YIF1A: variants seen among roughly 807,000 people sequenced by gnomAD.
YIF1A encodes Yip1 interacting factor homolog A, membrane trafficking protein, also known as protein YIF1A.
Under a neutral mutation model 32.6 loss-of-function variants are expected in YIF1A, and 28 were observed. The ratio of observed to expected loss-of-function variants is 0.86; its 90% confidence interval spans 0.64 to 1.18. The LOEUF (loss-of-function observed/expected upper bound fraction) is 1.18. Ranked by LOEUF, YIF1A falls within the 50% of genes most tolerant of loss-of-function variation. The pLI is 0.00. For synonymous variants in YIF1A, 175 were observed against 162.2 expected, an observed-to-expected ratio of 1.08 and a Z score of -0.60; for missense variants, 373 against 390.8, an observed-to-expected ratio of 0.95 and a Z score of 0.38.
rs767489835 is a variant in YIF1A, at chr11:66,284,700, A to G, written c.819T>C (p.Thr273=). 2.0e-5 allele frequency: 32 copies of G among 1,612,614 alleles called. No homozygotes were observed. Among genetic ancestry groups the G allele is most frequent in the Non-Finnish European group, 2.6e-5 (31 of 1,179,916 alleles). ...GGGGCTGGAAGGCTGCAGCTCCCAG[A>G]GTCAGGTAGAGCTGGAGACGCTGCC... The part of the protein sequence containing the change: ...VPRQRLQLYL[T]LGAAAFQPLI... The change falls in exon 8 of 8, where the codon ACT becomes ACC. Residue 273 remains threonine (T), a synonymous_variant. Transcript: ENST00000376901.
At chr11:66,288,047 A>C in intron 2 of YIF1A, 34 bp downstream of exon 2, 1 of 1,610,696 alleles carries the variant, frequency 6.2e-7, no homozygotes, top group Non-Finnish European at 8.5e-7. Context: ...CTAGCCAAAA[A>C]TTCTGCCACC....
intron 1 of YIF1A, 103 bp downstream of exon 1, chr11:66,288,851 GC>G: frequency 7.7e-7 from 1 of 1,303,040 alleles, no homozygotes; most frequent in South Asian, 1.6e-5. Context: ...TGACACCCCC[GC>G]CCTGGGCGGC....
chr11:66,288,188 C>A lies in YIF1A; in HGVS notation c.136G>T (p.Asp46Tyr), dbSNP rs772310346. Reference protein sequence around the residue: ...QPGGYPATGADVAFSVNHLLG... With the variant: ...QPGGYPATGAYVAFSVNHLLG... ...AAGTGGTTGACACTGAAGGCCACGT[C>A]TGCTCCTGTGGCTGGGTATCCCCCG... The change falls in exon 2 of 8, where the codon GAC (aspartate) becomes TAC (tyrosine). Residue 46 changes from aspartate (D) to tyrosine (Y), a missense_variant. Transcript: ENST00000376901. 6.2e-7 allele frequency: 1 copy of A among 1,614,186 alleles called. No homozygotes were observed. Among genetic ancestry groups the A allele is most frequent in the South Asian group, 1.1e-5 (1 of 91,092 alleles).
intron 4 of YIF1A, among the ~76,000 whole-genome samples, chr11:66,286,277 G>A (rs991902174): frequency 6.6e-6 from 1 of 152,254 alleles, no homozygotes; most frequent in Non-Finnish European, 1.5e-5. Flanking sequence ...GCCAGTGGGA[G>A]CCGGGCATTA....
intron 4 of YIF1A, 128 bp from the exon 5 acceptor site, chr11:66,285,886 A>G (rs1857349564): frequency 2.8e-6 from 3 of 1,053,420 alleles, no homozygotes; most frequent in Non-Finnish European, 4.2e-6. Flanking sequence ...TGACCTCCAC[A>G]TTCTGCTTCC....
rs1374767170 is a variant in YIF1A at position 66,284,801 on chromosome 11, T to C, written c.736-18A>G. 5 of 1,610,726 alleles carry C rather than the reference T, an allele frequency of 3.1e-6. No homozygotes were observed. The African/African-American group carries it at 6.7e-5, about 22-fold the overall frequency. On this transcript the variant is annotated intron_variant, in intron 7 of 7. Transcript: ENST00000376901. ...GAGCGCACCTGGAAGAAAGGAGAAC[T>C]GAAGCCTGGCCAGGAGGGGGAGGTT...
At position 66,287,684 on chromosome 11, in the gene YIF1A, T is replaced by TGGCAGTGGC. The variant is rs1443063287; in HGVS notation, c.349-17_349-9dup. 1.3e-5 allele frequency: 21 copies of TGGCAGTGGC among 1,611,420 alleles called. No individual in the cohort carries two copies. The African/African-American group carries it at 2.7e-4, about 21-fold the overall frequency. ...GTACTGCACTTCCCAGTTCTGGCAG[T>TGGCAGTGGC]GGCAGTGGCAGCAGCGGCCACATCA... On this transcript the variant is annotated splice_polypyrimidine_tract_variant and intron_variant, in intron 3 of 7. Transcript: ENST00000376901.
At position 66,288,223 on chromosome 11, in the gene YIF1A, G is replaced by A. The variant is rs1409036982; in HGVS notation, c.101C>T (p.Ser34Phe). Residue 34 changes from serine (S) to phenylalanine (F), a missense_variant, in exon 2 of 8, where the codon TCC becomes TTC. Transcript: ENST00000376901. ...PLFDDTSGGY[S>F]SQPGGYPATG... is the part of the protein sequence containing the mutation. ...GGCTGGGTATCCCCCGGGCTGGCTG[G>A]AATAACCACCGCTTGTGTCATCGAA... 1 of 1,614,078 alleles carries A rather than the reference G, an allele frequency of 6.2e-7. No homozygotes were observed. The highest frequency in any genetic ancestry group is 1.1e-5 in the South Asian group (1 of 91,088).
Position 66,289,054 on chromosome 11 carries a change from C to T in YIF1A, c.-69G>A. The T allele has an allele frequency of 6.6e-7, 1 of 1,515,962 alleles. No homozygotes were observed. Among genetic ancestry groups the T allele is most frequent in the Admixed American group, 2.2e-5 (1 of 46,468 alleles). The allele number at this position is 1,515,962 out of a possible 1,614,324, so 93.9% of individuals were successfully genotyped here. A position where few individuals can be genotyped will look rare whatever the true frequency, so the allele number is the denominator to read the frequency against. On this transcript the variant is annotated 5_prime_UTR_variant, in exon 1 of 8. Transcript: ENST00000376901. ...GTGGGTACGAATACTAATGAGGCAG[C>T]TGCTCCGCGCCCAGGGTACCGACCG...
At position 66,288,255 on chromosome 11, in the gene YIF1A, A is replaced by AG; in HGVS notation, c.68dup (p.Pro24SerfsTer5). ...CACCGCTTGTGTCATCGAAGAGGGGAGGGGGATCCGGGGCTGCCCGGGCCC... is the reference window on the plus strand; with the variant it reads ...CACCGCTTGTGTCATCGAAGAGGGGAGGGGGGATCCGGGGCTGCCCGGGCCC... On this transcript the variant is annotated frameshift_variant, in exon 2 of 8. Transcript: ENST00000376901. LOFTEE classifies it high-confidence loss of function. The AG allele has an allele frequency of 6.2e-7, 1 of 1,613,980 alleles. No homozygotes were observed. Among genetic ancestry groups the AG allele is most frequent in the South Asian group, 1.1e-5 (1 of 91,072 alleles).
chr11:66,285,834 G>T, intron 4 of YIF1A, 76 bp from the exon 5 acceptor site: 1 of 1,509,576 alleles, frequency 6.6e-7, no homozygotes, highest in South Asian at 1.2e-5. Context: ...CGGGTTCACC[G>T]ACATGTCCCA....
intron 2 of YIF1A, 23 bp from the exon 3 acceptor site, chr11:66,287,939 G>A (rs771988326): frequency 6.2e-7 from 1 of 1,611,216 alleles, no homozygotes; most frequent in Non-Finnish European, 8.5e-7. Context: ...AGAGGAAGCT[G>A]TGGGCAAGCC....
chr11:66,285,494 C>A lies in YIF1A; in HGVS notation c.528G>T (p.Leu176=). ...CCAGCACCTCCATCACCACCCACAC[C>A]AGCGCTGTGCTTGCACACAGGCCCA... ...EVLGLCASTA[L]VWVVMEVLAL... is the part of the protein sequence containing the mutation. Residue 176 remains leucine, a synonymous_variant, in exon 6 of 8, where the codon CTG becomes CTT. Transcript: ENST00000376901. 1 of 1,613,230 alleles carries A rather than the reference C, an allele frequency of 6.2e-7. No homozygotes were observed. Among genetic ancestry groups the A allele is most frequent in the Non-Finnish European group, 8.5e-7 (1 of 1,180,014 alleles).
chr11:66,288,186 G>A lies in YIF1A; in HGVS notation c.138C>T (p.Asp46=), dbSNP rs377500331. 5.0e-6 allele frequency: 8 copies of A among 1,614,044 alleles called. No individual in the cohort carries two copies. Among genetic ancestry groups the A allele is most frequent in the Non-Finnish European group, 5.9e-6 (7 of 1,180,052 alleles). Residue 46 remains aspartate, a synonymous_variant, in exon 2 of 8, where the codon GAC becomes GAT. Transcript: ENST00000376901. ...QPGGYPATGA[D]VAFSVNHLLG... ...GCAAGTGGTTGACACTGAAGGCCAC[G>A]TCTGCTCCTGTGGCTGGGTATCCCC... is the stretch of plus-strand genomic sequence containing the variant.
intron 4 of YIF1A, among the ~76,000 whole-genome samples, chr11:66,286,523 C>T (rs1350182495): frequency 6.6e-6 from 1 of 152,168 alleles, no homozygotes; most frequent in Non-Finnish European, 1.5e-5. Flanking sequence ...GCTCAGGAGA[C>T]TGAGGCAGGA....
rs1007020164 is a variant in YIF1A, at chr11:66,288,392, G to A, written c.32-100C>T. ...TGGACAGCCCTGCACGGGTCCTGGA[G>A]GCACCGATCAGTGAGGGGACCCCAA... On this transcript the variant is annotated intron_variant, in intron 1 of 7. Coordinates refer to ENST00000376901, the MANE Select transcript of YIF1A (RefSeq NM_020470.3). 1.4e-4 allele frequency: 202 copies of A among 1,438,710 alleles called. 1 individual carries two copies. The highest frequency in any genetic ancestry group is 1.5e-4 in the Non-Finnish European group (159 of 1,039,724). 89.1% of individuals were successfully genotyped at this position (1,438,710 alleles called of 1,614,324 possible).
intron 1 of YIF1A, 39 bp downstream of exon 1, chr11:66,288,916 C>CG: frequency 6.8e-7 from 1 of 1,460,070 alleles, no homozygotes; most frequent in South Asian, 1.4e-5. Context: ...CGACTCTCCC[C>CG]CCGCCGGCCG....
In YIF1A at chr11:66,285,501, G is replaced by T. The variant is rs773801488; in HGVS notation, c.521C>A (p.Thr174Lys). Residue 174 changes from threonine to lysine, a missense_variant, in exon 6 of 8, where the codon ACA (threonine) becomes AAA (lysine). Thr to Lys is a moderately conservative substitution (Grantham distance 78). Coordinates refer to ENST00000376901, the MANE Select transcript of YIF1A (RefSeq NM_020470.3). ...SPEVLGLCASTALVWVVMEVL... is the reference protein window; with the variant it reads ...SPEVLGLCASKALVWVVMEVL... Reference sequence around the variant, plus strand: ...CTCCATCACCACCCACACCAGCGCTGTGCTTGCACACAGGCCCAGCACCTC... The same window carrying T: ...CTCCATCACCACCCACACCAGCGCTTTGCTTGCACACAGGCCCAGCACCTC... The T allele has an allele frequency of 1.2e-6, 2 of 1,613,170 alleles. 1 individual carries two copies. Among genetic ancestry groups the T allele is most frequent in the South Asian group, 2.2e-5 (2 of 91,078 alleles).
In YIF1A at chr11:66,288,989, C is replaced by G. The variant is rs942952459; in HGVS notation, c.-4G>C. 2 of 1,578,396 alleles carry G rather than the reference C, an allele frequency of 1.3e-6. No individual in the cohort carries two copies. Among genetic ancestry groups the G allele is most frequent in the African/African-American group, 2.8e-5 (2 of 72,446 alleles). Reference sequence around the variant, plus strand: ...CGTAGCCCGAGTGATAAGCCATGGCCGCGACGCTCGCTGTCCCCGAGGGCC... The same window carrying G: ...CGTAGCCCGAGTGATAAGCCATGGCGGCGACGCTCGCTGTCCCCGAGGGCC... On this transcript the variant is annotated 5_prime_UTR_variant, in exon 1 of 8. Transcript: ENST00000376901.
Sources: gnomAD v4.1 joint callset for allele counts (sites outside exome capture counted in the v4.1 genomes callset) on GRCh38, gnomAD v4.1.1 for gene constraint, MANE v1.5 for transcripts, NCBI Gene and HGNC (gene_info 2026-07-23, HGNC 2026-07-21) for gene names.